Variants in CREBBP observed in about 807,000 individuals in gnomAD.
CREBBP encodes CREB-binding protein.
A neutral mutation model predicts 265.0 loss-of-function variants in CREBBP; 19 were observed. The ratio of observed to expected loss-of-function variants is 0.07; its 90% CI spans 0.05 to 0.11. The LOEUF (loss-of-function observed/expected upper bound fraction) is 0.11. CREBBP is among the 10% of genes least tolerant of loss of function. The pLI, the probability that CREBBP is intolerant of heterozygous loss-of-function variation, is 1.00. For synonymous variants in CREBBP, 1,457 were observed against 1,223.7 expected (o/e 1.19, Z -3.98); for missense variants, 2,525 against 3,219.0 (o/e 0.78, Z 5.22).
Position 3,731,634 on chromosome 16 carries a change from T to C in CREBBP, c.4890+142A>G. 1 of 1,408,820 alleles carries C rather than the reference T, an allele frequency of 7.1e-7. No homozygotes were observed. Among genetic ancestry groups the C allele is most frequent in the Non-Finnish European group, 1.0e-6 (1 of 1,001,996 alleles). 87.3% of individuals were successfully genotyped at this position (1,408,820 alleles called of 1,614,324 possible). ...ACAAAATTGGTGACACGTTGCATGA[T>C]GTCACCCAACTGGTCCACTTGGTTT... On this transcript the variant is annotated intron_variant, in intron 29 of 30. Coordinates refer to ENST00000262367, the MANE Select transcript of CREBBP (RefSeq NM_004380.3). This position sits in a 1 kb window ranked among gnomAD's most constrained non-coding sequence, Gnocchi z 7.7.
At chr16:3,796,407 A>G (rs1025965539) in intron 3 of CREBBP, among the ~76,000 whole-genome samples, 6 of 137,504 alleles carry the variant, frequency 4.4e-5, no homozygotes, top group African/African-American at 1.7e-4. Context: ...TTTTTTTGAG[A>G]CGGGAGTCTC....
At chr16:3,814,163 T>TTGTG (rs2053988728) in intron 2 of CREBBP, among the ~76,000 whole-genome samples, 1 of 124,050 alleles carries the variant, frequency 8.1e-6, no homozygotes, top group African/African-American at 3.6e-5. Context: ...CAATGTTGTT[T>TTGTG]AGTGTGTGTG....
At chr16:3,766,483 C>T (rs113537040) in intron 16 of CREBBP, among the ~76,000 whole-genome samples, 145 of 151,960 alleles carry the variant, frequency 9.5e-4, no homozygotes, top group African/African-American at 2.0e-3. Context: ...CTATGGGTGC[C>T]ATGTAACAGA....
chr16:3,862,809 C>T (rs908329155), intron 1 of CREBBP, among the ~76,000 whole-genome samples: 3 of 152,176 alleles, frequency 2.0e-5, no homozygotes, highest in East Asian at 1.9e-4. Flanking sequence ...TGCTGTCTTC[C>T]GTCCCTGCCT....
chr16:3,730,430 A>G (rs2051883692), intron 30 of CREBBP: 1 of 161,178 alleles, frequency 6.2e-6, no homozygotes, highest in Non-Finnish European at 1.4e-5. Context: ...CACCAGTGGG[A>G]CTTCCCCAAC....
At position 3,728,528 on chromosome 16, in the gene CREBBP, G is replaced by C. The variant is rs572471926; in HGVS notation, c.6519C>G (p.Ile2173Met). The part of the protein sequence containing the change: ...GLNPQGQALN[I>M]MNPGHNPNMA... ...TGTTGGGGTTGTGTCCTGGGTTCAT[G>C]ATGTTCAAGGCCTGGCCCTGGGGGT... Residue 2173 changes from isoleucine (I) to methionine (M), a missense_variant, in exon 31 of 31, where the codon ATC becomes ATG. Transcript: ENST00000262367. This position sits in a 1 kb window ranked among gnomAD's most constrained non-coding sequence, Gnocchi z 8.7. 1.2e-6 allele frequency: 2 copies of C among 1,614,070 alleles called. No individual in the cohort carries two copies. Among genetic ancestry groups the C allele is most frequent in the African/African-American group, 1.3e-5 (1 of 75,054 alleles).
At chr16:3,750,055 T>G (rs367715909) in intron 20 of CREBBP, among the ~76,000 whole-genome samples, 1 of 152,102 alleles carries the variant, frequency 6.6e-6, no homozygotes, top group Non-Finnish European at 1.5e-5. Context: ...GACTGGCTAA[T>G]TTTTTGATTT....
intron 23 of CREBBP, chr16:3,742,072 CTCTG>C (rs749579605): frequency 2.0e-5 from 3 of 151,622 alleles, no homozygotes; most frequent in African/African-American, 4.9e-5. Context: ...CAGAGCGAGA[CTCTG>C]TCTGCACAAA....
chr16:3,773,496 CAA>C (rs2053063385), intron 13 of CREBBP: 1 of 510,608 alleles, frequency 2.0e-6, no homozygotes, highest in African/African-American at 1.9e-5. Context: ...GATCAAAACA[CAA>C]AAGCATACAA....
Position 3,740,390 on chromosome 16 carries a change from C to T in CREBBP, c.4133+9G>A, listed in dbSNP as rs376602227. On this transcript the variant is annotated intron_variant, in intron 24 of 30. Transcript: ENST00000262367. Reference sequence around the variant, plus strand: ...CTCGCAGAGCACTGTAGAGAGCAGGCACACTGACCGTGACTTCATCCCGGG... The same window carrying T: ...CTCGCAGAGCACTGTAGAGAGCAGGTACACTGACCGTGACTTCATCCCGGG... The T allele has an allele frequency of 9.9e-5, 159 of 1,614,120 alleles. No homozygotes were observed. The African/African-American group carries it at 1.9e-3, about 19-fold the overall frequency.
intron 3 of CREBBP, among the ~76,000 whole-genome samples, chr16:3,805,508 G>T (rs2053811122): frequency 6.6e-6 from 1 of 152,192 alleles, no homozygotes; most frequent in South Asian, 2.1e-4. Context: ...AGGCATTTGT[G>T]CAAGGAAACC....
chr16:3,797,806 G>A, intron 3 of CREBBP, among the ~76,000 whole-genome samples: 1 of 151,756 alleles, frequency 6.6e-6, no homozygotes, highest in East Asian at 1.9e-4. Context: ...GAACTAAAGT[G>A]AATAAAAATG....
intron 5 of CREBBP, chr16:3,784,517 C>A (rs146943568): frequency 6.6e-6 from 1 of 152,166 alleles, no homozygotes; most frequent in Non-Finnish European, 1.5e-5. Context: ...CTTCTGAAAC[C>A]GACATCCTAC....
intron 5 of CREBBP, among the ~76,000 whole-genome samples, chr16:3,788,056 T>C (rs1385697246): frequency 6.6e-6 from 1 of 152,192 alleles, no homozygotes; most frequent in Non-Finnish European, 1.5e-5. Context: ...GCTACACTCA[T>C]GGAGATGCCG....
intron 2 of CREBBP, among the ~76,000 whole-genome samples, chr16:3,837,676 A>G (rs1392880091): frequency 1.3e-5 from 2 of 151,468 alleles, no homozygotes; most frequent in East Asian, 3.9e-4. Flanking sequence ...GAAAAAGCTT[A>G]TAGAATAAGT....
At position 3,725,443 on chromosome 16, in the gene CREBBP, C is replaced by T. The variant is rs956163210; in HGVS notation, c.*2275G>A. ...AGTGTGGGCTTAGAGCTGCTGCTCT[C>T]GGGCTCTAGCCCCACTTCTTGTTTG... is the stretch of plus-strand genomic sequence containing the variant. On this transcript the variant is annotated 3_prime_UTR_variant, in exon 31 of 31. Transcript: ENST00000262367. 8 of 233,166 alleles carry T rather than the reference C, an allele frequency of 3.4e-5. No homozygotes were observed. Among genetic ancestry groups the T allele is most frequent in the Admixed American group, 1.1e-4 (2 of 17,786 alleles). The allele number at this position is 233,166 out of a possible 1,614,324, so 14.4% of individuals were successfully genotyped here. A position where few individuals can be genotyped will look rare whatever the true frequency, so the allele number is the denominator to read the frequency against.
intron 3 of CREBBP, among the ~76,000 whole-genome samples, chr16:3,798,241 G>A (rs1301908325): frequency 6.6e-6 from 1 of 152,128 alleles, no homozygotes; most frequent in African/African-American, 2.4e-5. Flanking sequence ...GAAGAAAACC[G>A]AGAATAAATC....
intron 8 of CREBBP, among the ~76,000 whole-genome samples, 165 bp downstream of exon 8, chr16:3,780,567 G>A (rs1468303200): frequency 6.6e-6 from 1 of 152,204 alleles, no homozygotes; most frequent in Non-Finnish European, 1.5e-5. Context: ...TAGAGTGTGG[G>A]AATCTCTGGC....
At position 3,777,647 on chromosome 16, in the gene CREBBP, C is replaced by T. The variant is rs769840155; in HGVS notation, c.2124G>A (p.Leu708=). Residue 708 remains leucine (L), a synonymous_variant, in exon 11 of 31, where the codon CTG becomes CTA. Coordinates refer to ENST00000262367, the MANE Select transcript of CREBBP (RefSeq NM_004380.3). ...CTTGCATGCGATTCACTGGCAGGGA[C>T]AGGGGTCCATCTATGGTGGCAAAAC... ...AQPVRPPNGP[L]SLPVNRMQVS... The T allele has an allele frequency of 1.9e-6, 3 of 1,614,108 alleles. No individual in the cohort carries two copies. Among genetic ancestry groups the T allele is most frequent in the Non-Finnish European group, 2.5e-6 (3 of 1,180,034 alleles).
Sources: allele counts gnomAD v4.1 joint callset (sites outside exome capture counted in the v4.1 genomes callset), GRCh38; gene constraint gnomAD v4.1.1; non-coding constraint Gnocchi (gnomAD v3.1); transcripts MANE v1.5; gene names NCBI Gene and HGNC (gene_info 2026-07-23, HGNC 2026-07-21).